The following OXNAD1 variants were observed in gnomAD, a reference collection of about 807,000 sequenced individuals.
The protein encoded by OXNAD1 is oxidoreductase NAD binding domain containing 1.
OXNAD1 carries 34 observed loss-of-function variants against 32.9 expected under a neutral mutation model. That is an observed-to-expected ratio of 1.03 (90% CI 0.79 to 1.38). OXNAD1 has a LOEUF of 1.38. Among genes scored for constraint, OXNAD1 ranks in the 40% most tolerant of loss-of-function variants. The pLI is 0.00. For missense variants in OXNAD1, 407 were observed against 379.4 expected (o/e 1.07, Z -0.60); for synonymous variants, 134 against 135.2 (o/e 0.99, Z 0.06).
chr3:16,311,288 G>A (rs957854655), intron 9 of OXNAD1, among the ~76,000 whole-genome samples: 5 of 151,474 alleles, frequency 3.3e-5, no homozygotes, highest in African/African-American at 9.7e-5. Flanking sequence ...TCTGCCTCCC[G>A]GGTTCAAGTG....
At chr3:16,332,934 T>C (rs2070473381) in intron 9 of OXNAD1, among the ~76,000 whole-genome samples, 1 of 152,206 alleles carries the variant, frequency 6.6e-6, no homozygotes, top group African/African-American at 2.4e-5. Flanking sequence ...TATTGAACCA[T>C]TGCCCATAAG....
downstream of OXNAD1, among the ~76,000 whole-genome samples, chr3:16,351,085 A>G (rs1297767106): frequency 1.3e-5 from 2 of 152,236 alleles, no homozygotes; most frequent in African/African-American, 4.8e-5. This position sits in a 1 kb window ranked among gnomAD's most constrained non-coding sequence, Gnocchi z 5.4. Flanking sequence ...CAGGATTATG[A>G]GACAGGGTTA....
rs1376727758 is a variant in OXNAD1 at position 16,322,112 on chromosome 3, G to A, written c.*31-15000G>A. ...TGCATGCAGTTCCCGTGAGCCTGTG[G>A]CTGAGCTGAAACTGACAGCGCTCTG... On this transcript the variant is annotated intron_variant, in intron 9 of 9. Transcript: ENST00000435829. This position sits in a 1 kb window ranked among gnomAD's most constrained non-coding sequence, Gnocchi z 6.2. 6.6e-6 allele frequency among the ~76,000 whole-genome samples: 1 copy of A among 152,234 alleles called. No individual in the cohort carries two copies. The highest frequency in any genetic ancestry group is 2.4e-5 in the African/African-American group (1 of 41,458).
rs2065433986 is a variant in OXNAD1 at position 16,277,466 on chromosome 3, T to C, written c.183+5744T>C. On this transcript the variant is annotated intron_variant, in intron 4 of 8. Transcript: ENST00000285083. The surrounding 1 kb of genome is among the most constrained non-coding windows in gnomAD (Gnocchi z 4.3). ...ACAGAACTGGATCAGCTTCTTATAGTCTCGTCTTCCATTCTTGCCTTTAAT... is the reference window on the plus strand; with the variant it reads ...ACAGAACTGGATCAGCTTCTTATAGCCTCGTCTTCCATTCTTGCCTTTAAT... 6.6e-6 allele frequency among the ~76,000 whole-genome samples: 1 copy of C among 152,206 alleles called. No individual in the cohort carries two copies. The highest frequency in any genetic ancestry group is 1.5e-5 in the Non-Finnish European group (1 of 68,038).
In OXNAD1 at chr3:16,271,660, A is replaced by G. The variant is rs767406725; in HGVS notation, c.121A>G (p.Ile41Val). ...ACCTAATTTTACTTTCTATTAAAGC[A>G]TAATGAAATCCAAAAGGAAAACTGA... The part of the protein sequence containing the change: ...STLRHLTLTS[I>V]MKSKRKTDHM... The change falls in exon 4 of 9, where the codon ATA (isoleucine) becomes GTA (valine). Residue 41 changes from isoleucine (I) to valine (V), a missense_variant and splice_region_variant. Ile to Val is a conservative substitution (Grantham distance 29). Transcript: ENST00000285083. The surrounding 1 kb of genome is among the most constrained non-coding windows in gnomAD (Gnocchi z 4.6). 8.8e-6 allele frequency: 14 copies of G among 1,595,290 alleles called. No individual in the cohort carries two copies. The highest frequency in any genetic ancestry group is 1.2e-5 in the Non-Finnish European group (14 of 1,174,040).
chr3:16,315,318 G>A (rs1375729751), intron 9 of OXNAD1, among the ~76,000 whole-genome samples: 2 of 152,112 alleles, frequency 1.3e-5, no homozygotes, highest in Admixed American at 6.5e-5. Context: ...GTTTCACCAC[G>A]TTGGCCAGGC....
At position 16,321,495 on chromosome 3, in the gene OXNAD1, G is replaced by T. The variant is rs1205262709; in HGVS notation, c.*31-15617G>T. Reference sequence around the variant, plus strand: ...GACTCTCGGTCACCAGGGGACACAGGCCTGTGGGAGTAGGACGCTGACCCT... The same window carrying T: ...GACTCTCGGTCACCAGGGGACACAGTCCTGTGGGAGTAGGACGCTGACCCT... On this transcript the variant is annotated intron_variant, in intron 9 of 9. Transcript: ENST00000435829. The surrounding 1 kb of genome is among the most constrained non-coding windows in gnomAD (Gnocchi z 4.8). 2.0e-5 allele frequency among the ~76,000 whole-genome samples: 3 copies of T among 152,170 alleles called. No individual in the cohort carries two copies. The highest frequency in any genetic ancestry group is 1.3e-4 in the Admixed American group (2 of 15,284).
In OXNAD1 at chr3:16,289,668, T is replaced by C. The variant is rs1473295190; in HGVS notation, c.290+3220T>C. Among the ~76,000 whole-genome samples the C allele has an allele frequency of 6.6e-6, 1 of 152,234 alleles. No individual in the cohort carries two copies. Among genetic ancestry groups the C allele is most frequent in the Admixed American group, 6.5e-5 (1 of 15,288 alleles). On this transcript the variant is annotated intron_variant, in intron 5 of 8. Coordinates refer to ENST00000285083, the MANE Select transcript of OXNAD1 (RefSeq NM_138381.5). The surrounding 1 kb of genome is among the most constrained non-coding windows in gnomAD (Gnocchi z 4.9). ...CACAGGACTGCACATAACATAGCAC[T>C]GTATTCCTTGGCATCTTTTTCAAAC...
At chr3:16,338,016 C>T (rs574539746), downstream of OXNAD1, among the ~76,000 whole-genome samples, 2 of 152,236 alleles carry the variant, frequency 1.3e-5, no homozygotes, top group South Asian at 2.1e-4. The surrounding 1 kb of genome is among the most constrained non-coding windows in gnomAD (Gnocchi z 5.3). Context: ...CGTCCTAGCT[C>T]GAGATGTTGC....
intron 9 of OXNAD1, among the ~76,000 whole-genome samples, chr3:16,343,115 G>A (rs1370032400): frequency 6.6e-6 from 1 of 152,178 alleles, no homozygotes; most frequent in Admixed American, 6.5e-5. Flanking sequence ...AAAGAGCTGG[G>A]ATTACAGGCA....
At chr3:16,325,223 C>T (rs2069576757) in intron 9 of OXNAD1, among the ~76,000 whole-genome samples, 1 of 152,172 alleles carries the variant, frequency 6.6e-6, no homozygotes, top group African/African-American at 2.4e-5. Context: ...AATCCAACTA[C>T]CACTTTTATA....
intron 4 of OXNAD1, chr3:16,275,511 G>A (rs987988505): frequency 6.6e-6 from 1 of 152,318 alleles, no homozygotes; most frequent in Admixed American, 6.6e-5. Context: ...GGTTACTAAC[G>A]TAAGCTATTA....
At position 16,304,450 on chromosome 3, in the gene OXNAD1, T is replaced by G. The variant is rs1446390592; in HGVS notation, c.*888T>G. On this transcript the variant is annotated 3_prime_UTR_variant, in exon 9 of 9. Coordinates refer to ENST00000285083, the MANE Select transcript of OXNAD1 (RefSeq NM_138381.5). This position sits in a 1 kb window ranked among gnomAD's most constrained non-coding sequence, Gnocchi z 4.6. ...CACCAGCAGCTCCTTAACATATAGTTGTTGAATGACTGAAAGAAAGCAACT... is the reference window on the plus strand; with the variant it reads ...CACCAGCAGCTCCTTAACATATAGTGGTTGAATGACTGAAAGAAAGCAACT... 1.3e-5 allele frequency: 2 copies of G among 152,212 alleles called. No homozygotes were observed. The highest frequency in any genetic ancestry group is 4.8e-5 in the African/African-American group (2 of 41,444). 9.4% of individuals were successfully genotyped at this position (152,212 alleles called of 1,614,324 possible).
downstream of OXNAD1, among the ~76,000 whole-genome samples, chr3:16,307,802 A>G (rs1426476220): frequency 6.6e-6 from 1 of 152,110 alleles, no homozygotes; most frequent in Non-Finnish European, 1.5e-5. Context: ...GTTCCTCTAT[A>G]TCCTTCATCC....
At position 16,294,850 on chromosome 3, in the gene OXNAD1, T is replaced by C. The variant is rs746156947; in HGVS notation, c.291-6T>C. The stretch of plus-strand genomic sequence containing the variant: ...ACAATAATCATTTATTTGGCTTTCT[T>C]TTTAGGGTTGATTTCTTTATTCCAG... On this transcript the variant is annotated splice_polypyrimidine_tract_variant and splice_region_variant and intron_variant, in intron 5 of 8. Transcript: ENST00000285083. 2.2e-5 allele frequency: 35 copies of C among 1,605,046 alleles called. No individual in the cohort carries two copies. The East Asian group carries it at 7.8e-4, about 36-fold the overall frequency.
intron 5 of OXNAD1, among the ~76,000 whole-genome samples, chr3:16,294,310 C>G (rs2066620358): frequency 6.6e-6 from 1 of 151,850 alleles, no homozygotes; most frequent in African/African-American, 2.4e-5. Context: ...TCAGGTGATT[C>G]TTCTGCCTCA....
chr3:16,307,388 T>C (rs1479180242), downstream of OXNAD1, among the ~76,000 whole-genome samples: 1 of 151,812 alleles, frequency 6.6e-6, no homozygotes, highest in African/African-American at 2.4e-5. Context: ...AGGAGATGAG[T>C]GTGGTGTTAA....
chr3:16,306,157 G>A (rs1183195624), downstream of OXNAD1: 1 of 152,176 alleles, frequency 6.6e-6, no homozygotes, highest in East Asian at 1.9e-4. Context: ...GCCTACTCAA[G>A]GGACTAGGTT....
At position 16,303,326 on chromosome 3, in the gene OXNAD1, A is replaced by G; in HGVS notation, c.785-82A>G. The G allele has an allele frequency of 6.8e-7, 1 of 1,468,632 alleles. No individual in the cohort carries two copies. Among genetic ancestry groups the G allele is most frequent in the East Asian group, 2.3e-5 (1 of 43,944 alleles). 91.0% of individuals were successfully genotyped at this position (1,468,632 alleles called of 1,614,324 possible). A position where few individuals can be genotyped will look rare whatever the true frequency, so the allele number is the denominator to read the frequency against. ...CACTGAACTTGGAAATAAACACTGT[A>G]TCTGAATTGTGGTTAGTCCTTCCTC... On this transcript the variant is annotated intron_variant, in intron 8 of 8. Transcript: ENST00000285083. This position sits in a 1 kb window ranked among gnomAD's most constrained non-coding sequence, Gnocchi z 4.8.
Sources: allele counts gnomAD v4.1 joint callset (sites outside exome capture counted in the v4.1 genomes callset), GRCh38; gene constraint gnomAD v4.1.1; non-coding constraint Gnocchi (gnomAD v3.1); transcripts MANE v1.5; gene names NCBI Gene and HGNC (gene_info 2026-07-23, HGNC 2026-07-21).